PAPPA2: variants seen among roughly 807,000 people sequenced by gnomAD.
PAPPA2 encodes pappalysin-2.
A neutral mutation model predicts 176.4 loss-of-function variants in PAPPA2; 86 were observed. That is an observed-to-expected ratio of 0.49 (90% CI 0.41 to 0.58). The LOEUF (loss-of-function observed/expected upper bound fraction) is 0.58. Ranked by LOEUF, PAPPA2 falls within the 20% of genes least tolerant of loss-of-function variation. The probability of loss-of-function intolerance (pLI) is 0.00; values close to 1 mark genes in which losing one functional copy is unlikely to be tolerated. For missense variants in PAPPA2, 2,073 were observed against 2,256.9 expected (o/e 0.92, Z 1.65); for synonymous variants, 809 against 852.2 (o/e 0.95, Z 0.88).
chr1:176,741,635 G>A (rs1436578946), intron 14 of PAPPA2, among the ~76,000 whole-genome samples: 1 of 152,086 alleles, frequency 6.6e-6, no homozygotes, highest in East Asian at 1.9e-4. Flanking sequence ...GAATCTCTGG[G>A]GGCCAGTAAT....
chr1:176,669,944 AG>A (rs1009369172), intron 3 of PAPPA2, among the ~76,000 whole-genome samples: 2 of 152,152 alleles, frequency 1.3e-5, no homozygotes, highest in African/African-American at 4.8e-5. Context: ...TAATCAGTAA[AG>A]GAAATTTCCA....
intron 1 of PAPPA2, among the ~76,000 whole-genome samples, chr1:176,552,481 C>T (rs573326796): frequency 1.3e-5 from 2 of 151,502 alleles, no homozygotes; most frequent in African/African-American, 2.4e-5. Context: ...TCTCTCTCCT[C>T]GCTTTCCTCT....
chr1:176,710,529 A>C (rs1245986092), intron 11 of PAPPA2, among the ~76,000 whole-genome samples: 1 of 152,190 alleles, frequency 6.6e-6, no homozygotes, highest in Non-Finnish European at 1.5e-5. Context: ...CCTTGATATA[A>C]GTAAATTCTT....
At chr1:176,520,098 C>T (rs36081942) in intron 1 of PAPPA2, among the ~76,000 whole-genome samples, 26,293 of 152,088 alleles carry the variant, frequency 0.17, 2,445 homozygotes, top group Middle Eastern at 0.28. Flanking sequence ...AAGGTCATCC[C>T]TTTGTAGCAT....
intron 9 of PAPPA2, among the ~76,000 whole-genome samples, 197 bp from the exon 10 acceptor site, chr1:176,706,162 A>T (rs1660872134): frequency 6.6e-6 from 1 of 152,106 alleles, no homozygotes; most frequent in Non-Finnish European, 1.5e-5. Context: ...ACCACCAATC[A>T]TTGCTTAAAT....
intron 18 of PAPPA2, among the ~76,000 whole-genome samples, chr1:176,790,806 A>G (rs1034221148): frequency 6.6e-6 from 1 of 152,240 alleles, no homozygotes; most frequent in Non-Finnish European, 1.5e-5. Flanking sequence ...GCCAAGAGTT[A>G]CACAAACCAG....
chr1:176,620,788 G>T (rs1055469874), intron 3 of PAPPA2, among the ~76,000 whole-genome samples: 1 of 152,064 alleles, frequency 6.6e-6, no homozygotes, highest in African/African-American at 2.4e-5. Flanking sequence ...AGTTTCTGAG[G>T]GTCAGAAATC....
At chr1:176,821,522 G>A (rs1044837622) in intron 21 of PAPPA2, among the ~76,000 whole-genome samples, 19 of 152,240 alleles carry the variant, frequency 1.2e-4, no homozygotes, top group Admixed American at 3.9e-4. Context: ...TCTACAAGTT[G>A]GCTAAAGTGA....
At chr1:176,612,785 CT>C (rs1258807368) in intron 3 of PAPPA2, among the ~76,000 whole-genome samples, 2 of 152,176 alleles carry the variant, frequency 1.3e-5, no homozygotes, top group African/African-American at 4.8e-5. Flanking sequence ...AAAAAGGCCA[CT>C]TTATGTCCTC....
At chr1:176,647,742 C>G (rs1657488725) in intron 3 of PAPPA2, among the ~76,000 whole-genome samples, 1 of 151,554 alleles carries the variant, frequency 6.6e-6, no homozygotes. Flanking sequence ...GGATTAATAT[C>G]TGGGTTCTCT....
intron 3 of PAPPA2, among the ~76,000 whole-genome samples, chr1:176,664,169 A>G (rs1573215433): frequency 6.6e-6 from 1 of 152,186 alleles, no homozygotes; most frequent in African/African-American, 2.4e-5. Context: ...TCTTGCTGTA[A>G]TAAGTTATTG....
At chr1:176,560,815 T>C (rs1651623588) in intron 2 of PAPPA2, among the ~76,000 whole-genome samples, 2 of 152,224 alleles carry the variant, frequency 1.3e-5, no homozygotes, top group South Asian at 4.1e-4. Context: ...TCACCCATAA[T>C]TGATTTCAAA....
At chr1:176,759,873 T>C (rs890157588) in intron 14 of PAPPA2, among the ~76,000 whole-genome samples, 3 of 152,198 alleles carry the variant, frequency 2.0e-5, no homozygotes, top group East Asian at 1.9e-4. Flanking sequence ...CAGGAAGACT[T>C]TGGGAACCTG....
chr1:176,526,395 A>G (rs1349302353), intron 1 of PAPPA2, among the ~76,000 whole-genome samples: 1 of 152,174 alleles, frequency 6.6e-6, no homozygotes, highest in African/African-American at 2.4e-5. Flanking sequence ...GGTATGTTCC[A>G]CTTCCAAGTT....
At chr1:176,508,641 G>T (rs1395525045) in intron 1 of PAPPA2, among the ~76,000 whole-genome samples, 2 of 152,100 alleles carry the variant, frequency 1.3e-5, no homozygotes, top group Admixed American at 6.6e-5. Flanking sequence ...GTGGCTCTGT[G>T]TTCCCACCCA....
intron 12 of PAPPA2, 57 bp downstream of exon 12, chr1:176,712,038 T>G: frequency 1.3e-6 from 2 of 1,525,812 alleles, no homozygotes; most frequent in Non-Finnish European, 1.8e-6. Flanking sequence ...TATGTGTGTG[T>G]GTGTGTGTGT....
chr1:176,831,513 C>G (rs1256522437), intron 21 of PAPPA2, among the ~76,000 whole-genome samples: 1 of 152,188 alleles, frequency 6.6e-6, no homozygotes, highest in African/African-American at 2.4e-5. Context: ...CCCATTTTCA[C>G]CCTTTGGGAC....
chr1:176,512,082 G>A (rs1363700261), intron 1 of PAPPA2, among the ~76,000 whole-genome samples: 1 of 151,816 alleles, frequency 6.6e-6, no homozygotes, highest in Non-Finnish European at 1.5e-5. Context: ...CCCCAAAATG[G>A]CAAAATATTT....
intron 3 of PAPPA2, among the ~76,000 whole-genome samples, chr1:176,657,499 G>T (rs1008116773): frequency 2.0e-5 from 3 of 151,990 alleles, no homozygotes; most frequent in Non-Finnish European, 4.4e-5. Context: ...TGTATTCAAG[G>T]AGTGCAAAAC....
Sources: gnomAD v4.1 joint callset for allele counts (sites outside exome capture counted in the v4.1 genomes callset) on GRCh38, gnomAD v4.1.1 for gene constraint, MANE v1.5 for transcripts, NCBI Gene and HGNC (gene_info 2026-07-23, HGNC 2026-07-21) for gene names.